CNTN5: variants seen among roughly 807,000 people sequenced by gnomAD.
The protein encoded by CNTN5 is contactin 5, also known as contactin-5.
A neutral mutation model predicts 129.1 loss-of-function variants in CNTN5; 77 were observed. The ratio of observed to expected loss-of-function variants is 0.60; its 90% CI spans 0.50 to 0.72. CNTN5 has a LOEUF of 0.72. Among genes scored for constraint, CNTN5 ranks in the 30% least tolerant of loss-of-function variants. The pLI, the probability that CNTN5 is intolerant of heterozygous loss-of-function variation, is 0.00. For synonymous variants in CNTN5, 509 were observed against 465.6 expected (o/e 1.09, Z -1.20); for missense variants, 1,478 against 1,328.8 (o/e 1.11, Z -1.75).
intron 9 of CNTN5, among the ~76,000 whole-genome samples, chr11:100,055,404 G>T: frequency 6.6e-6 from 1 of 150,624 alleles, no homozygotes; most frequent in African/African-American, 2.4e-5. Context: ...ACCACTTCTT[G>T]CATCTTAAAC....
rs147981747 is a variant in CNTN5, at chr11:100,029,567, C to T, written c.980+27431C>T. Among the ~76,000 whole-genome samples the T allele has an allele frequency of 7.5e-3, 1,134 of 151,118 alleles. 14 individuals carry two copies. Among genetic ancestry groups the T allele is most frequent in the African/African-American group, 0.027 (1,104 of 41,086 alleles). On this transcript the variant is annotated intron_variant, in intron 9 of 24. Coordinates refer to ENST00000524871, the MANE Select transcript of CNTN5 (RefSeq NM_014361.4). ...CACTGAACTCCAGCCTGGGCAACAG[C>T]GAGACTCCATCTCAAAAAAAAAGAA...
intron 2 of CNTN5, among the ~76,000 whole-genome samples, chr11:99,331,463 A>G (rs530255388): frequency 6.6e-6 from 1 of 152,256 alleles, no homozygotes; most frequent in South Asian, 2.1e-4. Context: ...CAACATGCAG[A>G]AAGATATTTT....
chr11:99,232,459 T>C (rs1055905888), intron 1 of CNTN5, among the ~76,000 whole-genome samples: 5 of 152,190 alleles, frequency 3.3e-5, no homozygotes, highest in Non-Finnish European at 5.9e-5. Flanking sequence ...GCTTACCTGT[T>C]GTTGGTGTAT....
chr11:99,237,909 G>T (rs78287756), intron 1 of CNTN5, among the ~76,000 whole-genome samples: 1 of 152,144 alleles, frequency 6.6e-6, no homozygotes, highest in South Asian at 2.1e-4. Flanking sequence ...AAAAGTCAAT[G>T]AAAATGATTT....
intron 3 of CNTN5, among the ~76,000 whole-genome samples, chr11:99,707,786 A>G (rs913137620): frequency 1.3e-5 from 2 of 151,670 alleles, no homozygotes; most frequent in African/African-American, 4.8e-5. Flanking sequence ...GCCTTCCCAT[A>G]TAATCTCTCA....
intron 3 of CNTN5, among the ~76,000 whole-genome samples, chr11:99,794,960 G>A (rs1408838812): frequency 1.3e-5 from 2 of 152,074 alleles, no homozygotes; most frequent in African/African-American, 4.8e-5. Context: ...GAATTTGAAT[G>A]TTAGCCTCTA....
At chr11:99,193,860 T>A (rs1196758135) in intron 1 of CNTN5, among the ~76,000 whole-genome samples, 2 of 152,144 alleles carry the variant, frequency 1.3e-5, no homozygotes, top group Non-Finnish European at 2.9e-5. Flanking sequence ...ATTTTTGTAA[T>A]CAGACACCTT....
At chr11:100,201,254 A>G (rs1466204938) in intron 15 of CNTN5, among the ~76,000 whole-genome samples, 2 of 151,964 alleles carry the variant, frequency 1.3e-5, no homozygotes, top group African/African-American at 4.8e-5. Flanking sequence ...TCTATTGATT[A>G]TCCTGTAATT....
chr11:99,102,055 C>T (rs1013997001), intron 1 of CNTN5, among the ~76,000 whole-genome samples: 2 of 152,174 alleles, frequency 1.3e-5, no homozygotes, highest in African/African-American at 2.4e-5. Flanking sequence ...TGTGTGCCTA[C>T]AGTCTCAATA....
intron 1 of CNTN5, among the ~76,000 whole-genome samples, chr11:99,201,842 AAACATAGCCCTGCC>A (rs1859224504): frequency 6.6e-6 from 1 of 152,220 alleles, no homozygotes; most frequent in Non-Finnish European, 1.5e-5. Flanking sequence ...CCTTTAAAAG[AAACATAGCCCTGCC>A]AACACCTGGA....
chr11:99,681,508 T>C (rs1402070439), intron 3 of CNTN5, among the ~76,000 whole-genome samples: 3 of 152,110 alleles, frequency 2.0e-5, no homozygotes, highest in Admixed American at 6.6e-5. Flanking sequence ...TGTGGAAGGC[T>C]TAGATGATAG....
chr11:100,103,771 C>A (rs1945314370), intron 13 of CNTN5, among the ~76,000 whole-genome samples: 1 of 152,040 alleles, frequency 6.6e-6, no homozygotes, highest in South Asian at 2.1e-4. Context: ...TATAATAGAC[C>A]ACCCTCTTCA....
chr11:99,334,558 A>G lies in CNTN5; in HGVS notation c.-71+9074A>G, dbSNP rs568195445. On this transcript the variant is annotated intron_variant, in intron 2 of 24. Coordinates refer to ENST00000524871, the MANE Select transcript of CNTN5 (RefSeq NM_014361.4). ...ACAGACACACATACACACATACAGT[A>G]TTGGACTGAGCCACTTCCTAAGCAA... Among the ~76,000 whole-genome samples, 3 of 152,260 alleles carry G rather than the reference A, an allele frequency of 2.0e-5. No homozygotes were observed. In the South Asian group the frequency reaches 6.2e-4, roughly 32 times the overall value.
chr11:99,239,866 G>A (rs1366474322), intron 1 of CNTN5, among the ~76,000 whole-genome samples: 5 of 151,660 alleles, frequency 3.3e-5, no homozygotes, highest in African/African-American at 1.2e-4. Context: ...GAACCCGGGA[G>A]GCGGAGCTTG....
intron 1 of CNTN5, among the ~76,000 whole-genome samples, chr11:99,053,591 T>G (rs1864513496): frequency 6.6e-6 from 1 of 151,964 alleles, no homozygotes; most frequent in South Asian, 2.1e-4. Flanking sequence ...GTCTTTGATT[T>G]TGTAAAGTTT....
chr11:99,714,075 G>T (rs1230617787), intron 3 of CNTN5, among the ~76,000 whole-genome samples: 1 of 151,870 alleles, frequency 6.6e-6, no homozygotes, highest in South Asian at 2.1e-4. Flanking sequence ...GTTAAGAATG[G>T]TGCATTATAT....
chr11:99,092,597 T>A (rs1273727015), intron 1 of CNTN5, among the ~76,000 whole-genome samples: 1 of 152,062 alleles, frequency 6.6e-6, no homozygotes, highest in Admixed American at 6.5e-5. Context: ...TGGAATCAAT[T>A]TTAATATCCA....
chr11:99,504,897 T>G (rs1280480706), intron 2 of CNTN5, among the ~76,000 whole-genome samples: 1 of 152,132 alleles, frequency 6.6e-6, no homozygotes, highest in African/African-American at 2.4e-5. Context: ...AGTTTATTGC[T>G]CTCCTAATTC....
At chr11:100,195,075 TG>T (rs1397274371) in intron 15 of CNTN5, among the ~76,000 whole-genome samples, 1 of 151,260 alleles carries the variant, frequency 6.6e-6, no homozygotes, top group African/African-American at 2.4e-5. Context: ...TCCTTTACCT[TG>T]GGTGATAATT....
Sources: allele counts gnomAD v4.1 joint callset (sites outside exome capture counted in the v4.1 genomes callset), GRCh38; gene constraint gnomAD v4.1.1; transcripts MANE v1.5; gene names NCBI Gene and HGNC (gene_info 2026-07-23, HGNC 2026-07-21).